PPFIA2: variants seen among roughly 807,000 people sequenced by gnomAD.
PPFIA2 encodes PPFI scaffold protein A2.
In PPFIA2, 46 loss-of-function variants were observed where a neutral mutation model predicts 175.5. The observed-to-expected ratio is 0.26, with a 90% confidence interval of 0.21 to 0.34. The LOEUF is 0.34. Among genes scored for constraint, PPFIA2 ranks in the 10% least tolerant of loss-of-function variants. The pLI, the probability that PPFIA2 is intolerant of heterozygous loss-of-function variation, is 1.00. For synonymous variants in PPFIA2, 568 were observed against 511.4 expected, an observed-to-expected ratio of 1.11 and a Z score of -1.49; for missense variants, 1,179 against 1,506.1, an observed-to-expected ratio of 0.78 and a Z score of 3.60.
At chr12:81,267,812 T>A in intron 29 of PPFIA2, 100 bp downstream of exon 29, 1 of 1,038,164 alleles carries the variant, frequency 9.6e-7, no homozygotes, top group Middle Eastern at 2.6e-4. Context: ...GAGTTAACTT[T>A]CATTAACAAT....
chr12:81,430,113 A>G (rs2047832887), intron 7 of PPFIA2: 1 of 152,056 alleles, frequency 6.6e-6, no homozygotes. Context: ...CATTTCTCAG[A>G]GGAAGGAGTT....
chr12:81,520,169 T>C (rs925625274), intron 4 of PPFIA2, among the ~76,000 whole-genome samples: 3 of 152,124 alleles, frequency 2.0e-5, no homozygotes, highest in African/African-American at 7.2e-5. Context: ...ATCATCTGCT[T>C]TAGGTGATTC....
chr12:81,421,406 G>A (rs1054842445), intron 7 of PPFIA2, among the ~76,000 whole-genome samples: 5 of 152,102 alleles, frequency 3.3e-5, no homozygotes, highest in African/African-American at 1.2e-4. Flanking sequence ...AGAGTAAAAA[G>A]GGGAGTAAAA....
chr12:81,703,075 A>C (rs1247167966), intron 3 of PPFIA2, among the ~76,000 whole-genome samples: 8 of 152,110 alleles, frequency 5.3e-5, no homozygotes, highest in Admixed American at 5.2e-4. Context: ...GGTGTTCCCC[A>C]GAGTTCAGTC....
intron 22 of PPFIA2, among the ~76,000 whole-genome samples, chr12:81,307,411 T>C (rs905243781): frequency 1.3e-5 from 2 of 152,222 alleles, no homozygotes; most frequent in African/African-American, 2.4e-5. Context: ...TCCTTGATTA[T>C]AGGGCATTTT....
chr12:81,563,359 C>G (rs917458969), intron 4 of PPFIA2, among the ~76,000 whole-genome samples: 2 of 152,168 alleles, frequency 1.3e-5, no homozygotes, highest in Non-Finnish European at 2.9e-5. Flanking sequence ...GTTCTACTGT[C>G]TTAGATTTCT....
intron 26 of PPFIA2, 53 bp from the exon 27 acceptor site, chr12:81,281,503 A>G: frequency 1.7e-6 from 2 of 1,205,758 alleles, no homozygotes; most frequent in African/African-American, 1.5e-5. Flanking sequence ...TAAGATGGTA[A>G]TTGGATAATA....
At chr12:81,571,090 A>G (rs551207902) in intron 4 of PPFIA2, among the ~76,000 whole-genome samples, 1 of 152,064 alleles carries the variant, frequency 6.6e-6, no homozygotes, top group Non-Finnish European at 1.5e-5. Context: ...CTACTGTGCT[A>G]TGATTACATG....
chr12:81,382,635 T>A (rs2037988388), intron 9 of PPFIA2, among the ~76,000 whole-genome samples: 1 of 152,022 alleles, frequency 6.6e-6, no homozygotes, highest in African/African-American at 2.4e-5. Context: ...AGGGGAGAGA[T>A]CTTAAGGACA....
intron 24 of PPFIA2, among the ~76,000 whole-genome samples, chr12:81,286,307 G>GTAGTATAAAGTA (rs1291266280): frequency 2.0e-5 from 3 of 152,142 alleles, no homozygotes; most frequent in Middle Eastern, 3.4e-3. Flanking sequence ...TGAATTGTGT[G>GTAGTATAAAGTA]TAGTATAAAG....
intron 9 of PPFIA2, among the ~76,000 whole-genome samples, chr12:81,379,430 TC>T (rs557587526): frequency 1.4e-4 from 22 of 152,272 alleles, no homozygotes; most frequent in African/African-American, 4.8e-4. Context: ...TGTATTTAAT[TC>T]ATTTAATCAC....
At chr12:81,481,113 CCAAATCATGAGTGAACTACCATTCA>C (rs2058163802) in intron 4 of PPFIA2, among the ~76,000 whole-genome samples, 1 of 151,988 alleles carries the variant, frequency 6.6e-6, no homozygotes, top group African/African-American at 2.4e-5. Context: ...AAACAGAGAG[CCAAATCATGAGTGAACTACCATTCA>C]CAATTGCTAC....
At chr12:81,301,644 C>G (rs140632078) in intron 22 of PPFIA2, among the ~76,000 whole-genome samples, 1 of 152,132 alleles carries the variant, frequency 6.6e-6, no homozygotes, top group African/African-American at 2.4e-5. Context: ...ATCGTACCCG[C>G]GCCATCTCTC....
intron 3 of PPFIA2, among the ~76,000 whole-genome samples, chr12:81,729,815 A>G (rs531268102): frequency 6.6e-6 from 1 of 151,592 alleles, no homozygotes; most frequent in African/African-American, 2.4e-5. Context: ...ACAGATGGGG[A>G]AAAATTAGGA....
chr12:81,312,452 C>A, intron 22 of PPFIA2: 1 of 413,394 alleles, frequency 2.4e-6, no homozygotes, highest in East Asian at 3.5e-5. Context: ...ATTTTCCCAG[C>A]CTCGAGTACA....
intron 4 of PPFIA2, among the ~76,000 whole-genome samples, chr12:81,570,297 G>A (rs1220819472): frequency 1.3e-5 from 2 of 152,052 alleles, no homozygotes; most frequent in Non-Finnish European, 2.9e-5. Flanking sequence ...CTCAAATGTT[G>A]ATAATATTTT....
intron 4 of PPFIA2, among the ~76,000 whole-genome samples, chr12:81,655,122 TTTGA>T (rs775397465): frequency 8.1e-4 from 124 of 152,212 alleles, no homozygotes; most frequent in South Asian, 1.7e-3. Flanking sequence ...TCGTCTTATC[TTTGA>T]TTGTCTGTAG....
At chr12:81,443,845 CTTTTTTTTTTTT>C (rs1183160145) in intron 6 of PPFIA2, among the ~76,000 whole-genome samples, 182 of 71,156 alleles carry the variant, frequency 2.6e-3, no homozygotes, top group African/African-American at 2.9e-3. Context: ...GCCAACCTTT[CTTTTTTTTTTTT>C]TTTTTTTTTT....
At chr12:81,280,637 T>C (rs11836538) in intron 27 of PPFIA2, among the ~76,000 whole-genome samples, 8,460 of 152,146 alleles carry the variant, frequency 0.056, 422 homozygotes, top group African/African-American at 0.13. Context: ...TATGATATGG[T>C]ATTATAACAG....
Sources: gnomAD v4.1 joint callset for allele counts (sites outside exome capture counted in the v4.1 genomes callset) on GRCh38, gnomAD v4.1.1 for gene constraint, MANE v1.5 for transcripts, NCBI Gene and HGNC (gene_info 2026-07-23, HGNC 2026-07-21) for gene names.